Variants in CUTC observed in about 807,000 individuals in gnomAD.
CUTC encodes the protein copper homeostasis protein cutC homolog.
Under a neutral mutation model 36.2 loss-of-function variants are expected in CUTC, and 27 were observed. The ratio of observed to expected loss-of-function variants is 0.75; its 90% CI spans 0.55 to 1.03. The LOEUF is 1.03. Ranked by LOEUF, CUTC falls within the 50% of genes least tolerant of loss-of-function variation. The pLI, the probability that CUTC is intolerant of heterozygous loss-of-function variation, is 0.00. For missense variants in CUTC, 315 were observed against 343.5 expected, an observed-to-expected ratio of 0.92 and a Z score of 0.66; for synonymous variants, 114 against 118.3, an observed-to-expected ratio of 0.96 and a Z score of 0.24.
chr10:99,732,703 G>A, intron 1 of CUTC: 1 of 1,171,364 alleles, frequency 8.5e-7, no homozygotes, highest in South Asian at 1.9e-5. Flanking sequence ...TTTTTCCGTC[G>A]CCACACGAGG....
intron 3 of CUTC, among the ~76,000 whole-genome samples, chr10:99,741,533 C>G (rs559802412): frequency 6.6e-6 from 1 of 151,972 alleles, no homozygotes; most frequent in South Asian, 2.1e-4. Context: ...CCTTTCTTTT[C>G]TTTCCTTCTC....
rs770933858 is a variant in CUTC, at chr10:99,755,756, G to A, written c.*17G>A. On this transcript the variant is annotated 3_prime_UTR_variant, in exon 9 of 9. Coordinates refer to ENST00000370476, the MANE Select transcript of CUTC (RefSeq NM_015960.3). ...CTGGTGTAGCCAGACCTCTCTGAGA[G>A]ACATGGATATCACAGGATGAAGGTA... The A allele has an allele frequency of 4.8e-6, 7 of 1,461,800 alleles. No individual in the cohort carries two copies. The highest frequency in any genetic ancestry group is 5.8e-6 in the Non-Finnish European group (6 of 1,042,748). The allele number at this position is 1,461,800 out of a possible 1,614,324, so 90.6% of individuals were successfully genotyped here. A position where few individuals can be genotyped will look rare whatever the true frequency, so the allele number is the denominator to read the frequency against.
At chr10:99,749,153 T>C (rs962053569) in intron 6 of CUTC, among the ~76,000 whole-genome samples, 3 of 152,204 alleles carry the variant, frequency 2.0e-5, no homozygotes, top group Non-Finnish European at 2.9e-5. Context: ...GCTACTCAAA[T>C]ATTCTCATAC....
intron 1 of CUTC, among the ~76,000 whole-genome samples, chr10:99,735,449 C>T (rs893033669): frequency 1.3e-5 from 2 of 152,080 alleles, no homozygotes; most frequent in Non-Finnish European, 2.9e-5. Context: ...ACTCTGTCAC[C>T]CAGGCTGGAG....
intron 2 of CUTC, among the ~76,000 whole-genome samples, chr10:99,737,606 T>C (rs1012599881): frequency 6.6e-6 from 1 of 152,180 alleles, no homozygotes; most frequent in Admixed American, 6.5e-5. Context: ...TACTGAATTG[T>C]ACACTTTTAA....
At chr10:99,735,383 C>G (rs1182776497) in intron 1 of CUTC, among the ~76,000 whole-genome samples, 1 of 151,922 alleles carries the variant, frequency 6.6e-6, no homozygotes, top group Non-Finnish European at 1.5e-5. Flanking sequence ...CATTGGGGAG[C>G]CAGCGGTAGG....
chr10:99,749,683 C>G (rs1299770115), intron 6 of CUTC, among the ~76,000 whole-genome samples: 2 of 152,044 alleles, frequency 1.3e-5, no homozygotes, highest in South Asian at 2.1e-4. Context: ...GAATATGAAG[C>G]ATCCTTGTTC....
chr10:99,741,004 CT>C (rs1319144231), intron 3 of CUTC, among the ~76,000 whole-genome samples: 1 of 152,128 alleles, frequency 6.6e-6, no homozygotes, highest in Non-Finnish European at 1.5e-5. Context: ...TTATAATGAC[CT>C]TGTCTGCGAA....
rs1175516185 is a variant in CUTC at position 99,732,300 on chromosome 10, C to T, written c.-49C>T. On this transcript the variant is annotated 5_prime_UTR_variant, in exon 1 of 9. Coordinates refer to ENST00000370476, the MANE Select transcript of CUTC (RefSeq NM_015960.3). ...TTCTTAGCTGGTGCGCGCCGGAGCC[C>T]AAATTCCAAGTGGAAACTGCAGGCG... The T allele has an allele frequency of 1.8e-5, 28 of 1,549,150 alleles. No homozygotes were observed. Among genetic ancestry groups the T allele is most frequent in the Non-Finnish European group, 2.4e-5 (28 of 1,146,236 alleles).
chr10:99,742,214 T>C (rs1474510157), intron 3 of CUTC, among the ~76,000 whole-genome samples: 2 of 152,132 alleles, frequency 1.3e-5, no homozygotes, highest in Non-Finnish European at 2.9e-5. Flanking sequence ...TTTTTTATTA[T>C]TATTATTATT....
At chr10:99,740,855 C>T (rs1243681648) in intron 3 of CUTC, among the ~76,000 whole-genome samples, 1 of 152,180 alleles carries the variant, frequency 6.6e-6, no homozygotes. Context: ...TTCTTCTGCA[C>T]TATCTAATCT....
rs766483322 is a variant in CUTC, at chr10:99,736,270, A to G, written c.86A>G (p.Glu29Gly). The G allele has an allele frequency of 6.2e-7, 1 of 1,613,910 alleles. No homozygotes were observed. The highest frequency in any genetic ancestry group is 1.1e-5 in the South Asian group (1 of 91,072). Residue 29 changes from glutamate (E) to glycine (G), a missense_variant, in exon 2 of 9, where the codon GAA becomes GGA. Physicochemically the swap from Glu to Gly is moderately conservative, Grantham distance 98 (BLOSUM62 -2). Coordinates refer to ENST00000370476, the MANE Select transcript of CUTC (RefSeq NM_015960.3). ...KAGAANGFLM[E>G]VCVDSVESAV... Reference sequence around the variant, plus strand: ...GGAGCAGCAAATGGATTTCTCATGGAAGTTTGTGTTGATTCAGTGGAATCA... The same window carrying G: ...GGAGCAGCAAATGGATTTCTCATGGGAGTTTGTGTTGATTCAGTGGAATCA...
At position 99,754,590 on chromosome 10, in the gene CUTC, C is replaced by T. The variant is rs771985225; in HGVS notation, c.663C>T (p.Phe221=). The T allele has an allele frequency of 1.9e-6, 3 of 1,613,650 alleles. No homozygotes were observed. The highest frequency in any genetic ancestry group is 1.3e-5 in the African/African-American group (1 of 74,888). The change falls in exon 8 of 9, where the codon TTC becomes TTT. Residue 221 remains phenylalanine, a synonymous_variant. Transcript: ENST00000370476. ...RILEGSGATE[F]HCSARSTRDS... ...TTGAGGGTTCAGGTGCTACAGAATT[C>T]CACTGTTCTGCTCGGTCTACTAGAG...
At chr10:99,745,182 T>A (rs758457357) in intron 5 of CUTC, among the ~76,000 whole-genome samples, 1 of 152,260 alleles carries the variant, frequency 6.6e-6, no homozygotes, top group African/African-American at 2.4e-5. Context: ...AAAAAAATTT[T>A]TTTACTTCAA....
intron 7 of CUTC, among the ~76,000 whole-genome samples, chr10:99,751,608 A>G (rs994547168): frequency 1.3e-5 from 2 of 152,228 alleles, no homozygotes; most frequent in African/African-American, 2.4e-5. Context: ...CTGTAATCCC[A>G]GCACTTTGGG....
At chr10:99,750,776 A>G (rs1415973675) in intron 7 of CUTC, among the ~76,000 whole-genome samples, 3 of 152,218 alleles carry the variant, frequency 2.0e-5, no homozygotes, top group African/African-American at 7.2e-5. Flanking sequence ...CCTAATAAAC[A>G]GGGTTTAAGC....
chr10:99,736,172 G>A (rs979028155), intron 1 of CUTC, 74 bp from the exon 2 acceptor site: 12 of 1,267,362 alleles, frequency 9.5e-6, no homozygotes, highest in Non-Finnish European at 1.4e-5. Context: ...GCAGCAGAAT[G>A]TAAACCCTTT....
chr10:99,733,740 T>G (rs1254038912), intron 1 of CUTC, among the ~76,000 whole-genome samples: 2 of 152,226 alleles, frequency 1.3e-5, no homozygotes, highest in African/African-American at 4.8e-5. Context: ...CTGAAAAGTC[T>G]CAGAGGCTCC....
chr10:99,738,191 T>C (rs1313697934), intron 2 of CUTC, among the ~76,000 whole-genome samples: 1 of 152,120 alleles, frequency 6.6e-6, no homozygotes, highest in African/African-American at 2.4e-5. Flanking sequence ...TTAAGTTCTT[T>C]ATTGTTTTCA....
Sources: allele counts gnomAD v4.1 joint callset (sites outside exome capture counted in the v4.1 genomes callset), GRCh38; gene constraint gnomAD v4.1.1; transcripts MANE v1.5; gene names NCBI Gene and HGNC (gene_info 2026-07-23, HGNC 2026-07-21).